SIX2: variants seen among roughly 807,000 people sequenced by gnomAD.
The protein encoded by SIX2 is homeobox protein SIX2.
Under a neutral mutation model 22.8 loss-of-function variants are expected in SIX2, and 20 were observed. That is an observed-to-expected ratio of 0.88 (90% confidence interval 0.62 to 1.28). The LOEUF (loss-of-function observed/expected upper bound fraction) is 1.28, where lower values mean the gene tolerates loss of function less well. Among genes scored for constraint, SIX2 ranks in the 50% most tolerant of loss-of-function variants. The pLI, the probability that SIX2 is intolerant of heterozygous loss-of-function variation, is 0.00. For missense variants in SIX2, 360 were observed against 400.0 expected (o/e 0.90, Z 0.85); for synonymous variants, 195 against 186.4 (o/e 1.05, Z -0.37).
In SIX2 at chr2:45,006,206, G is replaced by T. The variant is rs1667751892; in HGVS notation, c.840C>A (p.Asn280Lys). Residue 280 changes from asparagine to lysine, a missense_variant, in exon 2 of 2, where the codon AAC (asparagine) becomes AAA (lysine). Physicochemically the swap from Asn to Lys is moderately conservative, Grantham distance 94 (BLOSUM62 0). This residue lies in a region of SIX2 where 235 missense variants were observed against 231.9 expected (regional missense o/e 1.01). Coordinates refer to ENST00000303077, the MANE Select transcript of SIX2 (RefSeq NM_016932.5). The surrounding 1 kb of genome is among the most constrained non-coding windows in gnomAD (Gnocchi z 4.2). Reference protein sequence around the residue: ...HHHGLQDSILNPMSANLVDLG... With the variant: ...HHHGLQDSILKPMSANLVDLG... ...GGTCCACGAGGTTGGCTGACATGGG[G>T]TTGAGGATGGAGTCCTGCAGGCCAT... 2 of 1,614,118 alleles carry T rather than the reference G, an allele frequency of 1.2e-6. No individual in the cohort carries two copies. Among genetic ancestry groups the T allele is most frequent in the Non-Finnish European group, 1.7e-6 (2 of 1,180,044 alleles).
chr2:45,008,117 T>A (rs1667798633), intron 1 of SIX2, among the ~76,000 whole-genome samples: 1 of 152,166 alleles, frequency 6.6e-6, no homozygotes. Context: ...CCATCACACT[T>A]TGGCCTGGAG....
chr2:45,008,626 C>A lies in SIX2; in HGVS notation c.485G>T (p.Gly162Val), dbSNP rs1329630486. The A allele has an allele frequency of 6.2e-7, 1 of 1,614,044 alleles. No individual in the cohort carries two copies. The change falls in exon 1 of 2, where the codon GGC becomes GTC. Residue 162 changes from glycine (G) to valine (V), a missense_variant. Physicochemically the swap from Gly to Val is moderately radical, Grantham distance 109. This residue lies in a region of SIX2 where 235 missense variants were observed against 231.9 expected (regional missense o/e 1.01). Coordinates refer to ENST00000303077, the MANE Select transcript of SIX2 (RefSeq NM_016932.5). ...REKRELAEAT[G>V]LTTTQVSNWF... ...GTTGCTGACCTGTGTGGTGGTGAGG[C>A]CCGTGGCCTCCGCCAGCTCACGCTT...
chr2:45,008,448 T>C (rs779460685), intron 1 of SIX2, 103 bp downstream of exon 1: 1 of 1,286,756 alleles, frequency 7.8e-7, no homozygotes, highest in Non-Finnish European at 1.1e-6. Flanking sequence ...TGGCCGGGCC[T>C]GGGGGCCCAG....
rs1276252658 is a variant in SIX2, at chr2:45,006,409, C to T, written c.637G>A (p.Glu213Lys). The change falls in exon 2 of 2, where the codon GAG becomes AAG. Residue 213 changes from glutamate to lysine, a missense_variant. Around this residue, in one of 3 missense-constraint regions of SIX2, gnomAD observed 235 missense variants for 231.9 expected, o/e 1.01. Coordinates refer to ENST00000303077, the MANE Select transcript of SIX2 (RefSeq NM_016932.5). This position sits in a 1 kb window ranked among gnomAD's most constrained non-coding sequence, Gnocchi z 4.2. The stretch of plus-strand genomic sequence containing the variant: ...GTCCCCGATGGAGTCTTCTCATCCT[C>T]CGAGCTGCCTAACACCGACTTGCCG... ...GSGKSVLGSS[E>K]DEKTPSGTPD... 2.5e-6 allele frequency: 4 copies of T among 1,614,192 alleles called. No homozygotes were observed. Among genetic ancestry groups the T allele is most frequent in the East Asian group, 2.2e-5 (1 of 44,880 alleles).
At position 45,006,541 on chromosome 2, in the gene SIX2, G is replaced by A. The variant is rs909647328; in HGVS notation, c.561-56C>T. Reference sequence around the variant, plus strand: ...AGCAGGGACATCGAGACCACCCAGCGCCATCTCAGTCACAGTCAGAGCCAG... The same window carrying A: ...AGCAGGGACATCGAGACCACCCAGCACCATCTCAGTCACAGTCAGAGCCAG... On this transcript the variant is annotated intron_variant, in intron 1 of 1. Transcript: ENST00000303077. This position sits in a 1 kb window ranked among gnomAD's most constrained non-coding sequence, Gnocchi z 4.2. 2.1e-5 allele frequency: 32 copies of A among 1,529,002 alleles called. No homozygotes were observed. Among genetic ancestry groups the A allele is most frequent in the Non-Finnish European group, 2.5e-5 (28 of 1,112,640 alleles). The allele number at this position is 1,529,002 out of a possible 1,614,324, so 94.7% of individuals were successfully genotyped here.
chr2:45,006,305 G>T lies in SIX2; in HGVS notation c.741C>A (p.Gly247=), dbSNP rs1209865352. The T allele has an allele frequency of 6.2e-7, 1 of 1,613,994 alleles. No individual in the cohort carries two copies. Among genetic ancestry groups the T allele is most frequent in the Non-Finnish European group, 8.5e-7 (1 of 1,179,906 alleles). ...PPGLPSLHSL[G]HPPGPSAVPV... ...GCACTGCGCTGGGGCCCGGAGGGTGGCCCAGGCTGTGCAGGGACGGCAGCC... is the reference window on the plus strand; with the variant it reads ...GCACTGCGCTGGGGCCCGGAGGGTGTCCCAGGCTGTGCAGGGACGGCAGCC... Residue 247 remains glycine, a synonymous_variant, in exon 2 of 2, where the codon GGC becomes GGA. Transcript: ENST00000303077. This position sits in a 1 kb window ranked among gnomAD's most constrained non-coding sequence, Gnocchi z 4.2.
At position 45,008,611 on chromosome 2, in the gene SIX2, T is replaced by C; in HGVS notation, c.500A>G (p.Gln167Arg). ...CCGGTTCTTGAACCAGTTGCTGACC[T>C]GTGTGGTGGTGAGGCCCGTGGCCTC... ...LAEATGLTTT[Q>R]VSNWFKNRRQ... The change falls in exon 1 of 2, where the codon CAG (glutamine) becomes CGG (arginine). Residue 167 changes from glutamine to arginine, a missense_variant. Physicochemically the swap from Gln to Arg is conservative, Grantham distance 43. Transcript: ENST00000303077. The C allele has an allele frequency of 6.2e-7, 1 of 1,614,048 alleles. No homozygotes were observed. Among genetic ancestry groups the C allele is most frequent in the Non-Finnish European group, 8.5e-7 (1 of 1,179,966 alleles).
In SIX2 at chr2:45,006,331, C is replaced by A. The variant is rs1178977297; in HGVS notation, c.715G>T (p.Gly239Trp). The change falls in exon 2 of 2, where the codon GGG becomes TGG. Residue 239 changes from glycine to tryptophan, a missense_variant. Coordinates refer to ENST00000303077, the MANE Select transcript of SIX2 (RefSeq NM_016932.5). The surrounding 1 kb of genome is among the most constrained non-coding windows in gnomAD (Gnocchi z 4.2). ...PALLLSPPPP[G>W]LPSLHSLGHP... The stretch of plus-strand genomic sequence containing the variant: ...CCCAGGCTGTGCAGGGACGGCAGCC[C>A]AGGGGGCGGCGGGCTGAGGAGCAGT... The A allele has an allele frequency of 6.2e-7, 1 of 1,613,868 alleles. No homozygotes were observed. Among genetic ancestry groups the A allele is most frequent in the Non-Finnish European group, 8.5e-7 (1 of 1,179,864 alleles).
Position 45,006,018 on chromosome 2 carries a change from C to G in SIX2, c.*152G>C. ...AATCCCAAACAAGAACCAACATAGA[C>G]AGCTATCTGCCCTACCCGGCTGTTC... is the stretch of plus-strand genomic sequence containing the variant. On this transcript the variant is annotated 3_prime_UTR_variant, in exon 2 of 2. Coordinates refer to ENST00000303077, the MANE Select transcript of SIX2 (RefSeq NM_016932.5). The surrounding 1 kb of genome is among the most constrained non-coding windows in gnomAD (Gnocchi z 4.2). 1 of 796,150 alleles carries G rather than the reference C, an allele frequency of 1.3e-6. No homozygotes were observed. Among genetic ancestry groups the G allele is most frequent in the Non-Finnish European group, 2.2e-6 (1 of 447,618 alleles). 49.3% of individuals were successfully genotyped at this position (796,150 alleles called of 1,614,324 possible). A position where few individuals can be genotyped will look rare whatever the true frequency, so the allele number is the denominator to read the frequency against.
chr2:45,008,330 C>T (rs1224154689), intron 1 of SIX2, among the ~76,000 whole-genome samples: 1 of 152,282 alleles, frequency 6.6e-6, no homozygotes, highest in Non-Finnish European at 1.5e-5. Context: ...AGTTAGTTGA[C>T]AACTTCCTGA....
rs1332096871 is a variant in SIX2, at chr2:45,006,231, T to C, written c.815A>G (p.His272Arg). ...GGGADPLQHH[H>R]GLQDSILNPM... ...GTTGAGGATGGAGTCCTGCAGGCCATGGTGGTGTTGCAGTGGGTCCGCTCC... is the reference window on the plus strand; with the variant it reads ...GTTGAGGATGGAGTCCTGCAGGCCACGGTGGTGTTGCAGTGGGTCCGCTCC... Residue 272 changes from histidine (H) to arginine (R), a missense_variant, in exon 2 of 2, where the codon CAT becomes CGT. Coordinates refer to ENST00000303077, the MANE Select transcript of SIX2 (RefSeq NM_016932.5). The surrounding 1 kb of genome is among the most constrained non-coding windows in gnomAD (Gnocchi z 4.2). 3 of 1,614,086 alleles carry C rather than the reference T, an allele frequency of 1.9e-6. No homozygotes were observed. Among genetic ancestry groups the C allele is most frequent in the East Asian group, 2.2e-5 (1 of 44,882 alleles).
At chr2:45,007,363 A>T (rs995282736) in intron 1 of SIX2, among the ~76,000 whole-genome samples, 1 of 152,056 alleles carries the variant, frequency 6.6e-6, no homozygotes, top group African/African-American at 2.4e-5. Context: ...TATGCCTTTG[A>T]CTGACAGCTC....
At position 45,008,948 on chromosome 2, in the gene SIX2, C is replaced by A. The variant is rs775227612; in HGVS notation, c.163G>T (p.Val55Leu). Residue 55 changes from valine to leucine, a missense_variant, in exon 1 of 2, where the codon GTG (valine) becomes TTG (leucine). By Grantham distance (32) the Val-to-Leu change is conservative. This residue lies in a region of SIX2 where 118 missense variants were observed against 135.1 expected (regional missense o/e 0.87). Coordinates refer to ENST00000303077, the MANE Select transcript of SIX2 (RefSeq NM_016932.5). ...AAGTTGCCGCGGTGGAAGGCCACCACGGCCTTGGCCTTGAGCACGCTTTCA... is the reference window on the plus strand; with the variant it reads ...AAGTTGCCGCGGTGGAAGGCCACCAAGGCCTTGGCCTTGAGCACGCTTTCA... ...KNESVLKAKA[V>L]VAFHRGNFRE... is the part of the protein sequence containing the mutation. 2 of 1,613,848 alleles carry A rather than the reference C, an allele frequency of 1.2e-6. No individual in the cohort carries two copies. Among genetic ancestry groups the A allele is most frequent in the Non-Finnish European group, 1.7e-6 (2 of 1,179,980 alleles).
Position 45,009,169 on chromosome 2 carries a change from A to C in SIX2, c.-59T>G. The C allele has an allele frequency of 2.9e-6, 4 of 1,384,270 alleles. No homozygotes were observed. Among genetic ancestry groups the C allele is most frequent in the Non-Finnish European group, 3.7e-6 (4 of 1,076,762 alleles). 85.7% of individuals were successfully genotyped at this position (1,384,270 alleles called of 1,614,324 possible). ...CCCTCACCGGGCCGCGCGGTCCCGC[A>C]TGGGAGCTTCCTCGCCGGGCCGTCC... On this transcript the variant is annotated 5_prime_UTR_variant, in exon 1 of 2. The change abolishes an upstream ATG in the 5' untranslated region. Coordinates refer to ENST00000303077, the MANE Select transcript of SIX2 (RefSeq NM_016932.5).
In SIX2 at chr2:45,005,953, C is replaced by G; in HGVS notation, c.*217G>C. The stretch of plus-strand genomic sequence containing the variant: ...CCTTCTGTGGTTCAAGACTCAGTCT[C>G]CAGCCCCAAAAGGATCCTAAAAGTA... On this transcript the variant is annotated 3_prime_UTR_variant, in exon 2 of 2. Coordinates refer to ENST00000303077, the MANE Select transcript of SIX2 (RefSeq NM_016932.5). 1 of 649,568 alleles carries G rather than the reference C, an allele frequency of 1.5e-6. No homozygotes were observed. Among genetic ancestry groups the G allele is most frequent in the South Asian group, 1.8e-5 (1 of 55,906 alleles). The allele number at this position is 649,568 out of a possible 1,614,324, so 40.2% of individuals were successfully genotyped here.
At chr2:45,007,111 G>A (rs568915963) in intron 1 of SIX2, among the ~76,000 whole-genome samples, 1 of 152,334 alleles carries the variant, frequency 6.6e-6, no homozygotes, top group East Asian at 1.9e-4. Flanking sequence ...TAGAGACAAG[G>A]GTCCAAGGAT....
Position 45,006,013 on chromosome 2 carries a change from A to G in SIX2, c.*157T>C. 1.3e-6 allele frequency: 1 copy of G among 782,100 alleles called. No homozygotes were observed. Among genetic ancestry groups the G allele is most frequent in the Non-Finnish European group, 2.3e-6 (1 of 437,314 alleles). 48.4% of individuals were successfully genotyped at this position (782,100 alleles called of 1,614,324 possible). ...AAATAAATCCCAAACAAGAACCAAC[A>G]TAGACAGCTATCTGCCCTACCCGGC... On this transcript the variant is annotated 3_prime_UTR_variant, in exon 2 of 2. Transcript: ENST00000303077. This position sits in a 1 kb window ranked among gnomAD's most constrained non-coding sequence, Gnocchi z 4.2.
intron 1 of SIX2, among the ~76,000 whole-genome samples, chr2:45,008,300 T>A (rs1012940635): frequency 6.6e-6 from 1 of 152,254 alleles, no homozygotes; most frequent in Non-Finnish European, 1.5e-5. Flanking sequence ...TTCTCCACCC[T>A]TTTCCTCTAG....
rs1371978004 is a variant in SIX2, at chr2:45,005,826, A to T, written c.*344T>A. ...ACAGAAAGCAGAAAAAAGAAAAGAGAAGGAAGGGAAAGGAAGAGGAAAGGG... is the reference window on the plus strand; with the variant it reads ...ACAGAAAGCAGAAAAAAGAAAAGAGTAGGAAGGGAAAGGAAGAGGAAAGGG... On this transcript the variant is annotated 3_prime_UTR_variant, in exon 2 of 2. Transcript: ENST00000303077. 4.9e-6 allele frequency: 2 copies of T among 410,014 alleles called. No homozygotes were observed. Among genetic ancestry groups the T allele is most frequent in the African/African-American group, 4.0e-5 (2 of 49,834 alleles). The allele number at this position is 410,014 out of a possible 1,614,324, so 25.4% of individuals were successfully genotyped here.
Sources: gnomAD v4.1 joint callset for allele counts (sites outside exome capture counted in the v4.1 genomes callset) on GRCh38, gnomAD v4.1.1 for gene constraint, gnomAD v4.1.1 regional missense constraint, Gnocchi (gnomAD v3.1) non-coding constraint, MANE v1.5 for transcripts, NCBI Gene and HGNC (gene_info 2026-07-23, HGNC 2026-07-21) for gene names.